The following FBXO15 variants were observed in gnomAD, a reference collection of about 807,000 sequenced individuals.
FBXO15 encodes F-box only protein 15.
In FBXO15, 30 loss-of-function variants were observed where a neutral mutation model predicts 49.5. The observed-to-expected ratio is 0.61, with a 90% CI of 0.45 to 0.82. FBXO15 has a LOEUF of 0.82. FBXO15 is among the 40% of genes least tolerant of loss of function. The probability of loss-of-function intolerance (pLI) is 0.00; values close to 1 mark genes in which losing one functional copy is unlikely to be tolerated. For missense variants in FBXO15, 591 were observed against 631.5 expected, an observed-to-expected ratio of 0.94 and a Z score of 0.69; for synonymous variants, 250 against 232.7, an observed-to-expected ratio of 1.07 and a Z score of -0.68.
At chr18:74,146,385 C>T (rs1232606061) in intron 1 of FBXO15, among the ~76,000 whole-genome samples, 2 of 152,188 alleles carry the variant, frequency 1.3e-5, no homozygotes, top group Non-Finnish European at 2.9e-5. Context: ...GCTTGAAATG[C>T]AGGTTCCCAT....
At chr18:74,125,605 ATGT>A (rs1914673486) in intron 6 of FBXO15, among the ~76,000 whole-genome samples, 1 of 152,246 alleles carries the variant, frequency 6.6e-6, no homozygotes, top group South Asian at 2.1e-4. Flanking sequence ...AGTAAGGGAA[ATGT>A]TGTCAGAGAA....
At chr18:74,119,748 GA>G (rs200519834) in intron 8 of FBXO15, among the ~76,000 whole-genome samples, 1 of 152,196 alleles carries the variant, frequency 6.6e-6, no homozygotes, top group Non-Finnish European at 1.5e-5. Flanking sequence ...CTAGAGTGGG[GA>G]GGACAGAAAA....
At chr18:74,123,947 G>A (rs932777802) in intron 7 of FBXO15, among the ~76,000 whole-genome samples, 9 of 151,532 alleles carry the variant, frequency 5.9e-5, no homozygotes, top group Admixed American at 2.6e-4. Flanking sequence ...ACATGACTAC[G>A]TAAGGTGACA....
intron 8 of FBXO15, among the ~76,000 whole-genome samples, chr18:74,086,193 G>A (rs933361799): frequency 4.0e-5 from 6 of 151,748 alleles, no homozygotes; most frequent in East Asian, 1.9e-4. Context: ...AAGATGGAAC[G>A]AAAAGTCACC....
intron 8 of FBXO15, among the ~76,000 whole-genome samples, chr18:74,100,779 C>G (rs1225064012): frequency 6.6e-6 from 1 of 152,042 alleles, no homozygotes; most frequent in African/African-American, 2.4e-5. Context: ...ACTATGAACA[C>G]CTTTATGCAC....
chr18:74,135,997 CA>C, intron 2 of FBXO15, 131 bp from the exon 3 acceptor site: 1 of 620,400 alleles, frequency 1.6e-6, no homozygotes, highest in Admixed American at 3.2e-5. Context: ...GTACAAGAGG[CA>C]AACTGTACCC....
intron 8 of FBXO15, among the ~76,000 whole-genome samples, chr18:74,087,352 C>T (rs957413869): frequency 6.6e-6 from 1 of 152,112 alleles, no homozygotes; most frequent in African/African-American, 2.4e-5. Context: ...AAGCATAGTA[C>T]CCGATAGGTA....
Position 74,073,512 on chromosome 18 carries a change from G to A in FBXO15, c.1482C>T (p.Val494=), listed in dbSNP as rs1461442703. Residue 494 remains valine (V), a synonymous_variant, in exon 10 of 10, where the codon GTC becomes GTT. Coordinates refer to ENST00000419743, the MANE Select transcript of FBXO15 (RefSeq NM_001142958.2). ...ETEEYLIVNL[V]LYLSIAKINH... Reference sequence around the variant, plus strand: ...TGATTTTTGCGATACTAAGATAAAGGACCAGGTTGACAATAAGGTATTCTT... The same window carrying A: ...TGATTTTTGCGATACTAAGATAAAGAACCAGGTTGACAATAAGGTATTCTT... 8.7e-6 allele frequency: 14 copies of A among 1,614,136 alleles called. No individual in the cohort carries two copies. The highest frequency in any genetic ancestry group is 1.1e-5 in the South Asian group (1 of 91,056).
At chr18:74,130,961 T>C (rs917794848) in intron 3 of FBXO15, among the ~76,000 whole-genome samples, 2 of 152,172 alleles carry the variant, frequency 1.3e-5, no homozygotes, top group Admixed American at 6.5e-5. Context: ...ATACCAGTAA[T>C]GGAATAGGAA....
intron 4 of FBXO15, 59 bp from the exon 5 acceptor site, chr18:74,129,673 A>G: frequency 4.3e-6 from 6 of 1,410,308 alleles, no homozygotes; most frequent in Middle Eastern, 2.6e-4. Flanking sequence ...AAAATGCTAA[A>G]GGCAATTTCA....
rs950023082 is a variant in FBXO15 at position 74,135,890 on chromosome 18, A to G, written c.228-24T>C. ...TTCTGCAAAAACAGAAAAAGAAAAA[A>G]AAAATCACCAGAGTGGACCAGGGCT... is the stretch of plus-strand genomic sequence containing the variant. On this transcript the variant is annotated intron_variant, in intron 2 of 9. Coordinates refer to ENST00000419743, the MANE Select transcript of FBXO15 (RefSeq NM_001142958.2). 3.2e-6 allele frequency: 5 copies of G among 1,586,112 alleles called. No homozygotes were observed. The African/African-American group carries it at 5.5e-5, about 17-fold the overall frequency.
chr18:74,139,260 T>A (rs945283494), intron 2 of FBXO15, among the ~76,000 whole-genome samples: 5 of 152,194 alleles, frequency 3.3e-5, no homozygotes, highest in Admixed American at 6.5e-5. Flanking sequence ...CGACTAATCA[T>A]CAGCTTCATG....
rs1027345170 is a variant in FBXO15 at position 74,119,812 on chromosome 18, G to T, written c.1138+3556C>A. On this transcript the variant is annotated intron_variant, in intron 8 of 9. Transcript: ENST00000419743. The stretch of plus-strand genomic sequence containing the variant: ...AGTGTGGGCTGAGGTGGGGGAGGCA[G>T]AGTGGGGACACACAGGGCTCTGTAA... 2.0e-5 allele frequency among the ~76,000 whole-genome samples: 3 copies of T among 152,300 alleles called. No individual in the cohort carries two copies. In the South Asian group the frequency reaches 6.2e-4, roughly 32 times the overall value.
rs183571321 is a variant in FBXO15, at chr18:74,085,024, T to C, written c.1139-2973A>G. The stretch of plus-strand genomic sequence containing the variant: ...AGAATGTGGAGATGTGCCATGTTTG[T>C]AGACTGGAAGACCCAATATAGTGAA... On this transcript the variant is annotated intron_variant, in intron 8 of 9. Coordinates refer to ENST00000419743, the MANE Select transcript of FBXO15 (RefSeq NM_001142958.2). Among the ~76,000 whole-genome samples, 37 of 152,242 alleles carry C rather than the reference T, an allele frequency of 2.4e-4. 1 individual carries two copies. The highest frequency in any genetic ancestry group is 2.4e-3 in the Admixed American group (37 of 15,286).
chr18:74,144,789 C>G (rs904884982), intron 1 of FBXO15, among the ~76,000 whole-genome samples: 4 of 152,126 alleles, frequency 2.6e-5, no homozygotes, highest in African/African-American at 9.7e-5. Flanking sequence ...TACAACTACT[C>G]GTTTGAGAAG....
intron 8 of FBXO15, among the ~76,000 whole-genome samples, chr18:74,107,078 T>A (rs1401267260): frequency 6.6e-6 from 1 of 151,936 alleles, no homozygotes; most frequent in Admixed American, 6.6e-5. Context: ...TCTTTATAAA[T>A]TCTACATATT....
rs1002752769 is a variant in FBXO15, at chr18:74,107,748, T to C, written c.1138+15620A>G. Reference sequence around the variant, plus strand: ...AGCTTCACCTGGTTCTCACAGTGAGTATCAGAAAAATATTCCTCTATTCCT... The same window carrying C: ...AGCTTCACCTGGTTCTCACAGTGAGCATCAGAAAAATATTCCTCTATTCCT... On this transcript the variant is annotated intron_variant, in intron 8 of 9. Coordinates refer to ENST00000419743, the MANE Select transcript of FBXO15 (RefSeq NM_001142958.2). 2.3e-4 allele frequency among the ~76,000 whole-genome samples: 35 copies of C among 152,028 alleles called. 1 individual carries two copies. The highest frequency in any genetic ancestry group is 8.2e-4 in the African/African-American group (34 of 41,386).
chr18:74,132,467 G>T (rs528704305), intron 3 of FBXO15, among the ~76,000 whole-genome samples: 13 of 152,290 alleles, frequency 8.5e-5, no homozygotes, highest in African/African-American at 2.9e-4. Context: ...AACTCCACAT[G>T]CAGTGAGTAA....
intron 8 of FBXO15, among the ~76,000 whole-genome samples, chr18:74,122,272 A>T (rs1333881697): frequency 6.6e-6 from 1 of 152,224 alleles, no homozygotes; most frequent in Non-Finnish European, 1.5e-5. Context: ...GGCCAGCCAT[A>T]AAAAGCTTTT....
Sources: gnomAD v4.1 joint callset for allele counts (sites outside exome capture counted in the v4.1 genomes callset) on GRCh38, gnomAD v4.1.1 for gene constraint, MANE v1.5 for transcripts, NCBI Gene and HGNC (gene_info 2026-07-23, HGNC 2026-07-21) for gene names.